Variants in PRDM4 observed in about 807,000 individuals in gnomAD.
PRDM4 encodes the protein PR/SET domain 4.
Under a neutral mutation model 62.3 loss-of-function variants are expected in PRDM4, and 38 were observed. That is an observed-to-expected ratio of 0.61 (90% CI 0.47 to 0.80). The LOEUF (loss-of-function observed/expected upper bound fraction) is 0.80. Among genes scored for constraint, PRDM4 ranks in the 30% least tolerant of loss-of-function variants. The pLI is 0.00. For synonymous variants in PRDM4, 339 were observed against 348.2 expected (o/e 0.97, Z 0.30); for missense variants, 858 against 997.1 (o/e 0.86, Z 1.88).
intron 10 of PRDM4, 77 bp from the exon 11 acceptor site, chr12:107,739,628 G>C: frequency 7.0e-7 from 1 of 1,420,060 alleles, no homozygotes; most frequent in Non-Finnish European, 9.6e-7. Flanking sequence ...ACACATATGT[G>C]CATGCAGCAG....
At chr12:107,742,014 TC>T (rs1455775020) in intron 9 of PRDM4, among the ~76,000 whole-genome samples, 1 of 152,164 alleles carries the variant, frequency 6.6e-6, no homozygotes, top group African/African-American at 2.4e-5. Flanking sequence ...AAAGACCGTA[TC>T]ATATGAATTA....
Position 107,743,365 on chromosome 12 carries a change from C to T in PRDM4, c.1396-83G>A. 7.5e-6 allele frequency: 7 copies of T among 938,504 alleles called. No individual in the cohort carries two copies. The South Asian group carries it at 9.6e-5, about 13-fold the overall frequency. 58.1% of individuals were successfully genotyped at this position (938,504 alleles called of 1,614,324 possible). On this transcript the variant is annotated intron_variant, in intron 7 of 11. Coordinates refer to ENST00000228437, the MANE Select transcript of PRDM4 (RefSeq NM_012406.4). ...ATTACACTTAGGCCAGCAATCACCTCATTTACTCATTTGCAGTAGGTCCCA... is the reference window on the plus strand; with the variant it reads ...ATTACACTTAGGCCAGCAATCACCTTATTTACTCATTTGCAGTAGGTCCCA...
chr12:107,756,777 A>G, intron 3 of PRDM4, 55 bp downstream of exon 3: 1 of 1,598,744 alleles, frequency 6.3e-7, no homozygotes, highest in Non-Finnish European at 8.6e-7. Context: ...GACTCCATTT[A>G]GAATTGATAA....
chr12:107,759,034 C>A (rs1166573782), intron 2 of PRDM4, among the ~76,000 whole-genome samples: 2 of 152,088 alleles, frequency 1.3e-5, no homozygotes, highest in African/African-American at 4.8e-5. Flanking sequence ...TTTGGGAGGC[C>A]AAGGCAGAAG....
chr12:107,750,987 C>T (rs1331167836), intron 5 of PRDM4, among the ~76,000 whole-genome samples: 2 of 152,096 alleles, frequency 1.3e-5, no homozygotes, highest in East Asian at 3.9e-4. Context: ...CCTGAAACTC[C>T]CGGGCTCAAG....
intron 2 of PRDM4, among the ~76,000 whole-genome samples, chr12:107,757,227 G>A (rs1891092596): frequency 6.6e-6 from 1 of 152,036 alleles, no homozygotes; most frequent in African/African-American, 2.4e-5. Context: ...CGAAACTCTA[G>A]GCACACCATC....
At chr12:107,745,545 A>G (rs1890673834) in intron 6 of PRDM4, among the ~76,000 whole-genome samples, 1 of 152,174 alleles carries the variant, frequency 6.6e-6, no homozygotes, top group East Asian at 1.9e-4. Flanking sequence ...AGGCCAGTGC[A>G]CTCCAGCCTG....
chr12:107,752,554 G>C (rs1593173855), intron 4 of PRDM4, among the ~76,000 whole-genome samples: 1 of 151,840 alleles, frequency 6.6e-6, no homozygotes, highest in Admixed American at 6.6e-5. Flanking sequence ...TTTAAAAACA[G>C]ATCTTCCATG....
Position 107,733,916 on chromosome 12 carries a change from A to C in PRDM4, c.*294T>G, listed in dbSNP as rs1650710348. On this transcript the variant is annotated 3_prime_UTR_variant, in exon 12 of 12. Transcript: ENST00000228437. The stretch of plus-strand genomic sequence containing the variant: ...TTTGTTTGAGCAGAAGGCAGCTTTG[A>C]TTCAGGCATAAATGCATCTCCCAGA... 3.2e-6 allele frequency: 1 copy of C among 310,218 alleles called. No individual in the cohort carries two copies. The highest frequency in any genetic ancestry group is 2.2e-5 in the African/African-American group (1 of 46,134). 19.2% of individuals were successfully genotyped at this position (310,218 alleles called of 1,614,324 possible).
Position 107,734,182 on chromosome 12 carries a change from C to A in PRDM4, c.*28G>T. On this transcript the variant is annotated 3_prime_UTR_variant, in exon 12 of 12. Coordinates refer to ENST00000228437, the MANE Select transcript of PRDM4 (RefSeq NM_012406.4). ...ATGTGTATTTTTCCATTTGCATTTT[C>A]ATCCAAAATTGCTTGTTTCTTTTCC... 6.4e-7 allele frequency: 1 copy of A among 1,555,962 alleles called. No homozygotes were observed.
intron 5 of PRDM4, among the ~76,000 whole-genome samples, chr12:107,749,058 T>TA (rs1890812337): frequency 6.6e-6 from 1 of 152,200 alleles, no homozygotes. Context: ...CTTCCTCCTA[T>TA]TTTTGATGCT....
At chr12:107,756,751 G>A in intron 3 of PRDM4, 81 bp downstream of exon 3, 2 of 1,514,304 alleles carry the variant, frequency 1.3e-6, no homozygotes, top group Non-Finnish European at 1.8e-6. Context: ...CCTTAAAGGG[G>A]CTCTGATCTC....
Position 107,746,378 on chromosome 12 carries a change from A to G in PRDM4, c.1173T>C (p.His391=), listed in dbSNP as rs1890706264. ...TGTCAGGAACAAAAGTCACTGGTCC[A>G]TGTTCGGGACAGTCCGAGGGATAGG... is the stretch of plus-strand genomic sequence containing the variant. ...DRAYPSDCPE[H]GPVTFVPDTP... is the part of the protein sequence containing the mutation. Residue 391 remains histidine, a synonymous_variant, in exon 6 of 12, where the codon CAT becomes CAC. Transcript: ENST00000228437. 5 of 1,613,384 alleles carry G rather than the reference A, an allele frequency of 3.1e-6. No individual in the cohort carries two copies. The African/African-American group carries it at 4.0e-5, about 13-fold the overall frequency.
At chr12:107,734,947 A>G (rs1890280800) in intron 11 of PRDM4, among the ~76,000 whole-genome samples, 1 of 152,174 alleles carries the variant, frequency 6.6e-6, no homozygotes, top group South Asian at 2.1e-4. Context: ...GTTTTTTATT[A>G]TCACAAGCAA....
At chr12:107,734,875 C>T (rs1052558622) in intron 11 of PRDM4, among the ~76,000 whole-genome samples, 2 of 152,196 alleles carry the variant, frequency 1.3e-5, no homozygotes, top group African/African-American at 4.8e-5. Context: ...TATACAAATA[C>T]ACCACAACTT....
Position 107,734,220 on chromosome 12 carries a change from GCAGAAAGAGAC to G in PRDM4, c.2385_2395del (p.Glu795AspfsTer3). The G allele has an allele frequency of 6.3e-7, 1 of 1,586,294 alleles. No homozygotes were observed. Among genetic ancestry groups the G allele is most frequent in the Non-Finnish European group, 8.6e-7 (1 of 1,168,196 alleles). On this transcript the variant is annotated frameshift_variant, in exon 12 of 12. Transcript: ENST00000228437. LOFTEE classifies it high-confidence loss of function. ...TTGTTTCTTTTCCTTTTATTTATGT[GCAGAAAGAGAC>G]TCATCCGCTGAATACACAGCACTGT...
chr12:107,753,804 C>G, intron 4 of PRDM4, 120 bp downstream of exon 4: 1 of 932,366 alleles, frequency 1.1e-6, no homozygotes, highest in Admixed American at 3.3e-5. Context: ...CTTTTCCTGC[C>G]TAGAGATTAA....
In PRDM4 at chr12:107,739,576, C is replaced by A. The variant is rs201723455; in HGVS notation, c.1925-25G>T. 6.9e-6 allele frequency: 11 copies of A among 1,601,774 alleles called. No individual in the cohort carries two copies. The East Asian group carries it at 2.0e-4, about 29-fold the overall frequency. On this transcript the variant is annotated intron_variant, in intron 10 of 11. Coordinates refer to ENST00000228437, the MANE Select transcript of PRDM4 (RefSeq NM_012406.4). ...CCTGCAATCAGCCCAAAGTATTACA[C>A]CGTGAAGAAAACAACTGCTGGCATC...
Position 107,760,785 on chromosome 12 carries a change from G to C in PRDM4, c.-256-14C>G. The C allele has an allele frequency of 2.2e-6, 1 of 457,022 alleles. No individual in the cohort carries two copies. The highest frequency in any genetic ancestry group is 4.1e-5 in the Admixed American group (1 of 24,240). 28.3% of individuals were successfully genotyped at this position (457,022 alleles called of 1,614,324 possible). A position where few individuals can be genotyped will look rare whatever the true frequency, so the allele number is the denominator to read the frequency against. On this transcript the variant is annotated splice_polypyrimidine_tract_variant and intron_variant, in intron 1 of 11. Coordinates refer to ENST00000228437, the MANE Select transcript of PRDM4 (RefSeq NM_012406.4). ...GGGCTGCCCAACCTGGGGGAGTGGGGACAAGAGCGGTCACCAAAACCACAA... is the reference window on the plus strand; with the variant it reads ...GGGCTGCCCAACCTGGGGGAGTGGGCACAAGAGCGGTCACCAAAACCACAA...
Sources: gnomAD v4.1 joint callset for allele counts (sites outside exome capture counted in the v4.1 genomes callset) on GRCh38, gnomAD v4.1.1 for gene constraint, MANE v1.5 for transcripts, NCBI Gene and HGNC (gene_info 2026-07-23, HGNC 2026-07-21) for gene names.